Variants in ZNF804B observed in about 807,000 individuals in gnomAD.
The protein encoded by ZNF804B is zinc finger protein 804B.
Under a neutral mutation model 101.4 loss-of-function variants are expected in ZNF804B, and 80 were observed. The observed-to-expected ratio is 0.79, with a 90% CI of 0.66 to 0.95. The LOEUF (loss-of-function observed/expected upper bound fraction) is 0.95, where lower values mean the gene tolerates loss of function less well. Among genes scored for constraint, ZNF804B ranks in the 40% least tolerant of loss-of-function variants. The pLI, the probability that ZNF804B is intolerant of heterozygous loss-of-function variation, is 0.00. For synonymous variants in ZNF804B, 622 were observed against 558.8 expected (o/e 1.11, Z -1.59); for missense variants, 1,673 against 1,561.9 (o/e 1.07, Z -1.20).
intron 1 of ZNF804B, among the ~76,000 whole-genome samples, chr7:89,161,819 GTTTGTTA>G (rs754521723): frequency 1.3e-5 from 2 of 151,970 alleles, no homozygotes; most frequent in African/African-American, 4.8e-5. Context: ...TCACTCATAT[GTTTGTTA>G]TTTGTAATAC....
chr7:88,913,329 C>T (rs1792579897), intron 1 of ZNF804B, among the ~76,000 whole-genome samples: 1 of 152,180 alleles, frequency 6.6e-6, no homozygotes, highest in African/African-American at 2.4e-5. Flanking sequence ...AAATTCATTA[C>T]TTCTGCAAGT....
intron 1 of ZNF804B, among the ~76,000 whole-genome samples, chr7:88,925,888 A>G (rs1319539758): frequency 6.6e-6 from 1 of 152,162 alleles, no homozygotes; most frequent in Admixed American, 6.6e-5. Flanking sequence ...ACAGTGACAA[A>G]GTTATGATGC....
At chr7:89,029,467 A>G (rs1034048278) in intron 1 of ZNF804B, among the ~76,000 whole-genome samples, 2 of 152,184 alleles carry the variant, frequency 1.3e-5, no homozygotes, top group African/African-American at 2.4e-5. Flanking sequence ...AAGGGAAAAC[A>G]TACACACAGG....
chr7:89,139,362 T>C (rs777717685), intron 1 of ZNF804B, among the ~76,000 whole-genome samples: 1 of 152,106 alleles, frequency 6.6e-6, no homozygotes, highest in Non-Finnish European at 1.5e-5. Context: ...GGTGGCTGTG[T>C]AAATTTCTTA....
chr7:88,821,629 TG>T (rs1306500862), intron 1 of ZNF804B, among the ~76,000 whole-genome samples: 1 of 152,176 alleles, frequency 6.6e-6, no homozygotes, highest in Non-Finnish European at 1.5e-5. Flanking sequence ...CAGGTACTTC[TG>T]AAGGAGAAAT....
At position 88,933,027 on chromosome 7, in the gene ZNF804B, A is replaced by C. The variant is rs568178600; in HGVS notation, c.108+172943A>C. ...TTACAGACCAATATCCCTGATGGACATAGATGCAAAAATTCCCAACAAAAT... is the reference window on the plus strand; with the variant it reads ...TTACAGACCAATATCCCTGATGGACCTAGATGCAAAAATTCCCAACAAAAT... On this transcript the variant is annotated intron_variant, in intron 1 of 3. Transcript: ENST00000333190. Among the ~76,000 whole-genome samples, 5 of 152,052 alleles carry C rather than the reference A, an allele frequency of 3.3e-5. No homozygotes were observed. The South Asian group carries it at 1.0e-3, about 32-fold the overall frequency.
chr7:89,067,082 A>G (rs1175223735), intron 1 of ZNF804B, among the ~76,000 whole-genome samples: 3 of 152,174 alleles, frequency 2.0e-5, no homozygotes, highest in Non-Finnish European at 4.4e-5. Flanking sequence ...TTACACTTGT[A>G]TCAGTCAGGG....
chr7:89,028,795 G>A (rs1039746882), intron 1 of ZNF804B, among the ~76,000 whole-genome samples: 4 of 152,176 alleles, frequency 2.6e-5, no homozygotes, highest in Non-Finnish European at 1.5e-5. Flanking sequence ...ATTTCATAGG[G>A]TTGTTTTGTG....
intron 1 of ZNF804B, among the ~76,000 whole-genome samples, chr7:89,058,883 A>G (rs913454278): frequency 2.6e-5 from 4 of 152,052 alleles, no homozygotes; most frequent in Non-Finnish European, 4.4e-5. Context: ...TTTTGGAGAC[A>G]GGCTTTCGCC....
At chr7:89,179,815 T>G (rs925150269) in intron 1 of ZNF804B, among the ~76,000 whole-genome samples, 1 of 152,174 alleles carries the variant, frequency 6.6e-6, no homozygotes, top group Non-Finnish European at 1.5e-5. Flanking sequence ...AAGGGAATTG[T>G]GTGTTGTGAT....
chr7:89,293,840 A>G (rs1239590800), intron 2 of ZNF804B, among the ~76,000 whole-genome samples: 1 of 152,226 alleles, frequency 6.6e-6, no homozygotes, highest in Non-Finnish European at 1.5e-5. Context: ...GAGAAGCTCA[A>G]TTGCATTTTG....
intron 1 of ZNF804B, among the ~76,000 whole-genome samples, chr7:89,155,960 C>T: frequency 6.6e-6 from 1 of 150,776 alleles, no homozygotes; most frequent in Non-Finnish European, 1.5e-5. Context: ...ACCTTCCCTC[C>T]TCTGTCTCTC....
At chr7:89,195,326 A>G (rs1304075110) in intron 1 of ZNF804B, among the ~76,000 whole-genome samples, 3 of 146,850 alleles carry the variant, frequency 2.0e-5, no homozygotes, top group Non-Finnish European at 3.0e-5. Context: ...ATAGTGTTGG[A>G]AGTTCTGGCC....
chr7:89,335,221 C>G lies in ZNF804B; in HGVS notation c.2239C>G (p.His747Asp). The G allele has an allele frequency of 1.2e-6, 2 of 1,613,846 alleles. No individual in the cohort carries two copies. The highest frequency in any genetic ancestry group is 1.7e-6 in the Non-Finnish European group (2 of 1,179,946). ...GNLLCFHKRE[H>D]HSVERHKRKC... ...TTTGCTCTGCTTCCATAAAAGAGAACACCACTCAGTTGAAAGGCACAAACG... is the reference window on the plus strand; with the variant it reads ...TTTGCTCTGCTTCCATAAAAGAGAAGACCACTCAGTTGAAAGGCACAAACG... The change falls in exon 4 of 4, where the codon CAC becomes GAC. Residue 747 changes from histidine (H) to aspartate (D), a missense_variant. Physicochemically the swap from His to Asp is moderately conservative, Grantham distance 81. Coordinates refer to ENST00000333190, the MANE Select transcript of ZNF804B (RefSeq NM_181646.5).
At chr7:89,072,201 A>G (rs1366532967) in intron 1 of ZNF804B, among the ~76,000 whole-genome samples, 1 of 152,212 alleles carries the variant, frequency 6.6e-6, no homozygotes, top group Non-Finnish European at 1.5e-5. Context: ...AAAAGCCCAC[A>G]CAAATGATAG....
intron 2 of ZNF804B, among the ~76,000 whole-genome samples, chr7:89,286,805 C>CAAGAAACTAA (rs1228776708): frequency 1.3e-5 from 2 of 152,096 alleles, no homozygotes; most frequent in Non-Finnish European, 2.9e-5. Flanking sequence ...AAGAAAATGG[C>CAAGAAACTAA]AGAAATATTG....
intron 1 of ZNF804B, among the ~76,000 whole-genome samples, chr7:88,836,248 G>C (rs1024926139): frequency 6.6e-6 from 1 of 151,920 alleles, no homozygotes; most frequent in African/African-American, 2.4e-5. Flanking sequence ...AAATTGCCTT[G>C]ATTCTCATTC....
At chr7:89,040,656 T>G (rs968567114) in intron 1 of ZNF804B, among the ~76,000 whole-genome samples, 1 of 152,214 alleles carries the variant, frequency 6.6e-6, no homozygotes, top group African/African-American at 2.4e-5. Flanking sequence ...TTTATTCCTA[T>G]TATGGTATTG....
intron 1 of ZNF804B, among the ~76,000 whole-genome samples, chr7:88,942,611 T>C (rs562501819): frequency 2.0e-5 from 3 of 151,388 alleles, no homozygotes; most frequent in Non-Finnish European, 3.0e-5. Flanking sequence ...CCTGGCATAT[T>C]CTAGGTGCTT....
Sources: allele counts gnomAD v4.1 joint callset (sites outside exome capture counted in the v4.1 genomes callset), GRCh38; gene constraint gnomAD v4.1.1; transcripts MANE v1.5; gene names NCBI Gene and HGNC (gene_info 2026-07-23, HGNC 2026-07-21).